The following SCG3 variants were observed in gnomAD, a reference collection of about 807,000 sequenced individuals.
SCG3 encodes the protein secretogranin III.
Under a neutral mutation model 56.2 loss-of-function variants are expected in SCG3, and 38 were observed. That is an observed-to-expected ratio of 0.68 (90% confidence interval 0.52 to 0.89). The LOEUF (loss-of-function observed/expected upper bound fraction) is 0.89. Ranked by LOEUF, SCG3 falls within the 40% of genes least tolerant of loss-of-function variation. The pLI is 0.00. For synonymous variants in SCG3, 176 were observed against 184.2 expected (o/e 0.96, Z 0.36); for missense variants, 524 against 540.7 (o/e 0.97, Z 0.31).
intron 2 of SCG3, 136 bp downstream of exon 2, chr15:51,682,705 G>C: frequency 1.7e-6 from 1 of 602,862 alleles, no homozygotes; most frequent in Non-Finnish European, 2.8e-6. Flanking sequence ...ACAGAAATTA[G>C]GACGGGAAAT....
At chr15:51,704,268 TATATATATATAA>T (rs201957765) in intron 10 of SCG3, among the ~76,000 whole-genome samples, 110 of 133,160 alleles carry the variant, frequency 8.3e-4, no homozygotes, top group East Asian at 7.8e-3. Context: ...TATATATATA[TATATATATATAA>T]AATAGCTCTT....
chr15:51,712,395 T>C (rs1277812285), intron 10 of SCG3, among the ~76,000 whole-genome samples: 1 of 152,206 alleles, frequency 6.6e-6, no homozygotes, highest in African/African-American at 2.4e-5. Context: ...TTCTTGGTGC[T>C]GACTCCCTAA....
At chr15:51,681,996 A>G (rs757508488) in intron 1 of SCG3, among the ~76,000 whole-genome samples, 159 bp downstream of exon 1, 1 of 152,176 alleles carries the variant, frequency 6.6e-6, no homozygotes, top group African/African-American at 2.4e-5. Flanking sequence ...TAGAGACAGA[A>G]GACAGATTTT....
intron 10 of SCG3, among the ~76,000 whole-genome samples, chr15:51,704,764 CATATATATAT>C (rs56192434): frequency 0.074 from 4,935 of 67,064 alleles, 526 homozygotes; most frequent in East Asian, 0.21. Flanking sequence ...GTGAGTAATA[CATATATATAT>C]ATATATATAT....
intron 11 of SCG3, among the ~76,000 whole-genome samples, chr15:51,715,551 T>C (rs945383382): frequency 6.6e-6 from 1 of 152,176 alleles, no homozygotes. Flanking sequence ...GAAAATCTTA[T>C]GTAGCCTTAA....
chr15:51,683,406 T>C lies in SCG3; in HGVS notation c.369T>C (p.Thr123=). Residue 123 remains threonine (T), a synonymous_variant, in exon 4 of 12, where the codon ACT becomes ACC. Coordinates refer to ENST00000220478, the MANE Select transcript of SCG3 (RefSeq NM_013243.4). ...NRKLIDDYDS[T]KSGLDHKFQD... is the part of the protein sequence containing the mutation. ...AACTGATCGATGATTATGACTCTAC[T>C]AAGAGTGGATTGGATCATAAATTTC... The C allele has an allele frequency of 6.2e-7, 1 of 1,611,228 alleles. No individual in the cohort carries two copies. The highest frequency in any genetic ancestry group is 8.5e-7 in the Non-Finnish European group (1 of 1,178,820).
chr15:51,683,297 T>A lies in SCG3; in HGVS notation c.260T>A (p.Ile87Asn). The change falls in exon 4 of 12, where the codon ATT becomes AAT. Residue 87 changes from isoleucine to asparagine, a missense_variant. Transcript: ENST00000220478. The part of the protein sequence containing the change: ...LLKAITEKEK[I>N]EKERQSIRSS... ...AAGGCAATAACAGAAAAGGAAAAAA[T>A]TGAGAAAGAAAGACAATCTATAAGA... is the stretch of plus-strand genomic sequence containing the variant. The A allele has an allele frequency of 1.2e-6, 2 of 1,613,548 alleles. No individual in the cohort carries two copies. The highest frequency in any genetic ancestry group is 1.7e-6 in the Non-Finnish European group (2 of 1,179,736).
At chr15:51,686,478 C>T (rs1011352528) in intron 4 of SCG3, among the ~76,000 whole-genome samples, 2 of 152,178 alleles carry the variant, frequency 1.3e-5, no homozygotes, top group Admixed American at 6.5e-5. Flanking sequence ...CCTCCTTTTA[C>T]GGATCCTGAG....
chr15:51,717,555 A>AG (rs1030910268), intron 11 of SCG3, among the ~76,000 whole-genome samples: 1 of 151,402 alleles, frequency 6.6e-6, no homozygotes, highest in South Asian at 2.1e-4. Context: ...AAAGAAAAAA[A>AG]AAGGATTGCT....
At chr15:51,710,813 C>T (rs2055416059) in intron 10 of SCG3, among the ~76,000 whole-genome samples, 1 of 134,114 alleles carries the variant, frequency 7.5e-6, no homozygotes, top group African/African-American at 2.9e-5. Context: ...CCAGGCTAGT[C>T]TCAAACTCTT....
At chr15:51,689,079 G>GT in intron 5 of SCG3, 140 bp from the exon 6 acceptor site, 6 of 889,490 alleles carry the variant, frequency 6.7e-6, no homozygotes, top group South Asian at 6.6e-5. Flanking sequence ...TGGTGCAGGC[G>GT]TAAGTGAGGG....
At chr15:51,716,086 T>A (rs1348145758) in intron 11 of SCG3, among the ~76,000 whole-genome samples, 1 of 152,196 alleles carries the variant, frequency 6.6e-6, no homozygotes, top group African/African-American at 2.4e-5. Flanking sequence ...CTCAATCTCG[T>A]GACCTCCTGA....
intron 10 of SCG3, 58 bp from the exon 11 acceptor site, chr15:51,713,274 TA>T (rs2055432122): frequency 8.6e-7 from 1 of 1,166,484 alleles, no homozygotes; most frequent in African/African-American, 1.6e-5. Flanking sequence ...GTGTGGTCTT[TA>T]AAATGAGATG....
intron 7 of SCG3, among the ~76,000 whole-genome samples, chr15:51,694,891 C>A (rs994382658): frequency 6.6e-6 from 1 of 152,064 alleles, no homozygotes; most frequent in African/African-American, 2.4e-5. Context: ...ATTAGCCAGG[C>A]ATGGTGGCGC....
chr15:51,683,395 T>C lies in SCG3; in HGVS notation c.358T>C (p.Tyr120His). Residue 120 changes from tyrosine (Y) to histidine (H), a missense_variant, in exon 4 of 12, where the codon TAT becomes CAT. Coordinates refer to ENST00000220478, the MANE Select transcript of SCG3 (RefSeq NM_013243.4). ...CAAGAATCGAAAACTGATCGATGAT[T>C]ATGACTCTACTAAGAGTGGATTGGA... The part of the protein sequence containing the change: ...STKNRKLIDD[Y>H]DSTKSGLDHK... The C allele has an allele frequency of 6.2e-7, 1 of 1,613,642 alleles. No individual in the cohort carries two copies. Among genetic ancestry groups the C allele is most frequent in the Non-Finnish European group, 8.5e-7 (1 of 1,179,786 alleles).
chr15:51,707,957 A>G (rs760991962), intron 10 of SCG3: 10 of 152,228 alleles, frequency 6.6e-5, no homozygotes, highest in Non-Finnish European at 1.3e-4. Flanking sequence ...CTATTGATTT[A>G]TACACTTTCC....
intron 1 of SCG3, 103 bp downstream of exon 1, chr15:51,681,940 G>T: frequency 1.2e-6 from 1 of 838,686 alleles, no homozygotes; most frequent in South Asian, 1.5e-5. Context: ...CGCGTTTTCT[G>T]ATCAAATCAT....
Position 51,685,596 on chromosome 15 carries a change from C to T in SCG3, c.397+2162C>T, listed in dbSNP as rs2055223691. Among the ~76,000 whole-genome samples, 5 of 152,152 alleles carry T rather than the reference C, an allele frequency of 3.3e-5. No homozygotes were observed. In the South Asian group the frequency reaches 1.0e-3, roughly 32 times the overall value. The stretch of plus-strand genomic sequence containing the variant: ...AGTAAGCTTCTGGTCTCCCCTTGTG[C>T]TCTGGAAATCCTGAAACCAGAGGGT... On this transcript the variant is annotated intron_variant, in intron 4 of 11. Transcript: ENST00000220478.
At chr15:51,709,684 TA>T (rs2055401094) in intron 10 of SCG3, among the ~76,000 whole-genome samples, 3 of 16,522 alleles carry the variant, frequency 1.8e-4, no homozygotes, top group South Asian at 1.7e-3. Flanking sequence ...TATATATATA[TA>T]TATATATATA....
Sources: allele counts gnomAD v4.1 joint callset (sites outside exome capture counted in the v4.1 genomes callset), GRCh38; gene constraint gnomAD v4.1.1; transcripts MANE v1.5; gene names NCBI Gene and HGNC (gene_info 2026-07-23, HGNC 2026-07-21).